The following CPB2 variants were observed in gnomAD, a reference collection of about 807,000 sequenced individuals.
The protein encoded by CPB2 is carboxypeptidase B-like protein.
In CPB2, 54 loss-of-function variants were observed where a neutral mutation model predicts 57.0. The observed-to-expected ratio is 0.95, with a 90% CI of 0.76 to 1.19. The LOEUF (loss-of-function observed/expected upper bound fraction) is 1.19. CPB2 is among the 50% of genes most tolerant of loss of function. CPB2 has a pLI of 0.00. For synonymous variants in CPB2, 189 were observed against 178.1 expected (o/e 1.06, Z -0.49); for missense variants, 426 against 512.0 (o/e 0.83, Z 1.62).
chr13:46,086,122 C>G (rs925617969), intron 2 of CPB2, among the ~76,000 whole-genome samples: 2 of 152,130 alleles, frequency 1.3e-5, no homozygotes, highest in African/African-American at 4.8e-5. Flanking sequence ...TTGGAGACGT[C>G]AGGAACCACA....
chr13:46,080,822 A>G (rs2045101307), intron 4 of CPB2, among the ~76,000 whole-genome samples: 1 of 152,088 alleles, frequency 6.6e-6, no homozygotes, highest in African/African-American at 2.4e-5. Flanking sequence ...AATACAAAAA[A>G]TTAGCTGAGC....
Position 46,073,991 on chromosome 13 carries a change from C to T in CPB2, c.487-14G>A. ...TTTTCCAGAAACCTGCTCAAAGAAA[C>T]CCCAAAAGTAGCAAAAACAGTAACA... On this transcript the variant is annotated splice_polypyrimidine_tract_variant and intron_variant, in intron 5 of 10. Coordinates refer to ENST00000181383, the MANE Select transcript of CPB2 (RefSeq NM_001872.5). 1.3e-6 allele frequency: 2 copies of T among 1,528,956 alleles called. No individual in the cohort carries two copies. The highest frequency in any genetic ancestry group is 2.3e-5 in the South Asian group (2 of 85,662). The allele number at this position is 1,528,956 out of a possible 1,614,324, so 94.7% of individuals were successfully genotyped here.
chr13:46,074,367 G>A (rs1189168643), intron 5 of CPB2, among the ~76,000 whole-genome samples: 5 of 152,116 alleles, frequency 3.3e-5, no homozygotes, highest in African/African-American at 7.2e-5. Flanking sequence ...AATCTTCCCC[G>A]GGAGGTGTGG....
intron 4 of CPB2, among the ~76,000 whole-genome samples, chr13:46,081,346 A>T (rs1566409772): frequency 1.3e-5 from 2 of 152,208 alleles, no homozygotes. Context: ...AACTTATCAC[A>T]GCAGTGACAG....
At chr13:46,093,639 A>G (rs200043051) in intron 1 of CPB2, among the ~76,000 whole-genome samples, 1 of 11,106 alleles carries the variant, frequency 9.0e-5, no homozygotes, top group African/African-American at 2.5e-4. Context: ...CTATTTTTGG[A>G]AAAAAAGTTA....
At chr13:46,060,032 G>A (rs905336454) in intron 8 of CPB2, among the ~76,000 whole-genome samples, 1 of 152,182 alleles carries the variant, frequency 6.6e-6, no homozygotes, top group Non-Finnish European at 1.5e-5. Flanking sequence ...TATATATTGG[G>A]TATGGAGGTC....
chr13:46,097,906 C>T (rs559690477), intron 1 of CPB2, among the ~76,000 whole-genome samples: 1 of 152,220 alleles, frequency 6.6e-6, no homozygotes, highest in African/African-American at 2.4e-5. Flanking sequence ...AGGAAGAGTT[C>T]CTTTAAACTG....
chr13:46,080,619 A>T (rs1336061530), intron 4 of CPB2, among the ~76,000 whole-genome samples: 1 of 152,140 alleles, frequency 6.6e-6, no homozygotes, highest in Non-Finnish European at 1.5e-5. Context: ...TGGTGTCCTT[A>T]TATGAAGAGG....
rs144737343 is a variant in CPB2 at position 46,053,667 on chromosome 13, C to T, written c.1219G>A (p.Glu407Lys). The T allele has an allele frequency of 3.1e-6, 5 of 1,614,052 alleles. No individual in the cohort carries two copies. The African/African-American group carries it at 5.3e-5, about 17-fold the overall frequency. The change falls in exon 11 of 11, where the codon GAA becomes AAA. Residue 407 changes from glutamate (E) to lysine (K), a missense_variant. Transcript: ENST00000181383. ...PERYIKPTCR[E>K]AFAAVSKIAW... ...ATTTTAGAGACAGCGGCAAAAGCTTCTCTACAGGTGGGTTTGATGTAACGC... is the reference window on the plus strand; with the variant it reads ...ATTTTAGAGACAGCGGCAAAAGCTTTTCTACAGGTGGGTTTGATGTAACGC...
At chr13:46,101,614 C>T (rs144213718) in intron 1 of CPB2, among the ~76,000 whole-genome samples, 3 of 152,224 alleles carry the variant, frequency 2.0e-5, no homozygotes, top group African/African-American at 7.2e-5. Flanking sequence ...CTGAATGATA[C>T]GATTATAGCA....
chr13:46,072,324 G>C (rs2044954996), intron 6 of CPB2, among the ~76,000 whole-genome samples: 1 of 152,140 alleles, frequency 6.6e-6, no homozygotes, highest in African/African-American at 2.4e-5. Flanking sequence ...CACAATTGTT[G>C]AAAGGTAAAT....
At chr13:46,088,051 A>C (rs1480841330) in intron 1 of CPB2, among the ~76,000 whole-genome samples, 1 of 152,134 alleles carries the variant, frequency 6.6e-6, no homozygotes, top group Non-Finnish European at 1.5e-5. Flanking sequence ...GTCAGTTTAC[A>C]GAGTATTTAC....
intron 6 of CPB2, among the ~76,000 whole-genome samples, chr13:46,071,760 A>G (rs1331302124): frequency 6.6e-6 from 1 of 152,176 alleles, no homozygotes; most frequent in African/African-American, 2.4e-5. Flanking sequence ...TGGTGATGTG[A>G]AAAAAAGAGC....
chr13:46,085,059 C>T (rs1179433934), intron 2 of CPB2, among the ~76,000 whole-genome samples: 1 of 151,920 alleles, frequency 6.6e-6, no homozygotes, highest in African/African-American at 2.4e-5. Context: ...ACCGTGTTAG[C>T]CAGGATGGTC....
chr13:46,091,772 C>T (rs1176752710), intron 1 of CPB2, among the ~76,000 whole-genome samples: 1 of 152,186 alleles, frequency 6.6e-6, no homozygotes, highest in Non-Finnish European at 1.5e-5. Context: ...ATTAATGTGA[C>T]TCAACATGAA....
rs1365401579 is a variant in CPB2 at position 46,084,314 on chromosome 13, G to A, written c.180C>T (p.Asp60=). The change falls in exon 3 of 11, where the codon GAC becomes GAT. Residue 60 remains aspartate, a synonymous_variant. Coordinates refer to ENST00000181383, the MANE Select transcript of CPB2 (RefSeq NM_001872.5). ...GGACTTGTTTTTTCTTCACAATAAGGTCAGCTGTTACCGGCTGCCAGAGAA... is the reference window on the plus strand; with the variant it reads ...GGACTTGTTTTTTCTTCACAATAAGATCAGCTGTTACCGGCTGCCAGAGAA... ...EIVLWQPVTA[D]LIVKKKQVHF... The A allele has an allele frequency of 2.5e-6, 4 of 1,614,056 alleles. No individual in the cohort carries two copies. Among genetic ancestry groups the A allele is most frequent in the Non-Finnish European group, 3.4e-6 (4 of 1,180,002 alleles).
Position 46,067,233 on chromosome 13 carries a change from C to G in CPB2, c.702+74G>C, listed in dbSNP as rs2044870291. The stretch of plus-strand genomic sequence containing the variant: ...AGCCATTGTGCCTAGATCCAGAATT[C>G]TATGAATAATTCAACCTGTATATCC... On this transcript the variant is annotated intron_variant, in intron 7 of 10. Coordinates refer to ENST00000181383, the MANE Select transcript of CPB2 (RefSeq NM_001872.5). The G allele has an allele frequency of 3.1e-5, 22 of 718,088 alleles. No homozygotes were observed. In the Middle Eastern group the frequency reaches 9.6e-4, roughly 31 times the overall value. 44.5% of individuals were successfully genotyped at this position (718,088 alleles called of 1,614,324 possible).
chr13:46,090,734 T>TC (rs1423634409), intron 1 of CPB2, among the ~76,000 whole-genome samples: 3 of 151,642 alleles, frequency 2.0e-5, no homozygotes, highest in Non-Finnish European at 4.4e-5. Context: ...CTTTTTTTTT[T>TC]TCTTTTTGAG....
intron 1 of CPB2, among the ~76,000 whole-genome samples, chr13:46,102,454 A>G (rs1430928457): frequency 6.6e-6 from 1 of 150,780 alleles, no homozygotes. Flanking sequence ...AGGGCATTTC[A>G]CTGATGAAAT....
Sources: gnomAD v4.1 joint callset for allele counts (sites outside exome capture counted in the v4.1 genomes callset) on GRCh38, gnomAD v4.1.1 for gene constraint, MANE v1.5 for transcripts, NCBI Gene and HGNC (gene_info 2026-07-23, HGNC 2026-07-21) for gene names.